PPARG: variants seen among roughly 807,000 people sequenced by gnomAD.
PPARG encodes the protein peroxisome proliferator-activated receptor gamma.
A neutral mutation model predicts 39.2 loss-of-function variants in PPARG; 17 were observed. The observed-to-expected ratio is 0.43, with a 90% CI of 0.30 to 0.65. The LOEUF is 0.65. PPARG is among the 30% of genes least tolerant of loss of function. PPARG has a pLI of 0.13. For synonymous variants in PPARG, 223 were observed against 215.7 expected (o/e 1.03, Z -0.30); for missense variants, 406 against 585.9 (o/e 0.69, Z 3.17).
intron 1 of PPARG, among the ~76,000 whole-genome samples, chr3:12,291,754 C>T (rs1332394978): frequency 1.3e-5 from 2 of 152,074 alleles, no homozygotes; most frequent in African/African-American, 2.4e-5. Flanking sequence ...ACAATAAGTA[C>T]ACATCAATAT....
At chr3:12,310,344 G>A (rs2047192044) in intron 1 of PPARG, among the ~76,000 whole-genome samples, 1 of 151,956 alleles carries the variant, frequency 6.6e-6, no homozygotes, top group Non-Finnish European at 1.5e-5. Flanking sequence ...AAGTATCAAG[G>A]AAAGCTGGTA....
At chr3:12,431,429 A>G (rs2125318462) in intron 7 of PPARG, among the ~76,000 whole-genome samples, 1 of 152,328 alleles carries the variant, frequency 6.6e-6, no homozygotes, top group Non-Finnish European at 1.5e-5. Flanking sequence ...ATACCAAATC[A>G]AATGAATTAA....
chr3:12,351,492 A>G, intron 2 of PPARG: 1 of 908,540 alleles, frequency 1.1e-6, no homozygotes. Context: ...GTATTCACAA[A>G]TTCTGTTACT....
At chr3:12,349,738 G>A (rs2048427347) in intron 2 of PPARG, among the ~76,000 whole-genome samples, 1 of 152,186 alleles carries the variant, frequency 6.6e-6, no homozygotes, top group South Asian at 2.1e-4. Flanking sequence ...TCTGGGGGAA[G>A]ACGGAATGTC....
intron 2 of PPARG, among the ~76,000 whole-genome samples, chr3:12,326,017 A>C (rs2047684257): frequency 6.6e-6 from 1 of 152,204 alleles, no homozygotes; most frequent in Non-Finnish European, 1.5e-5. Flanking sequence ...TTCTGAACAA[A>C]TTTAGTGATG....
chr3:12,417,740 T>C (rs1404321626), intron 7 of PPARG, among the ~76,000 whole-genome samples: 1 of 152,182 alleles, frequency 6.6e-6, no homozygotes, highest in Non-Finnish European at 1.5e-5. Context: ...TGATTAAGAA[T>C]GCAATGTGAA....
At chr3:12,393,502 A>G (rs2125217894) in intron 5 of PPARG, among the ~76,000 whole-genome samples, 1 of 152,256 alleles carries the variant, frequency 6.6e-6, no homozygotes, top group Middle Eastern at 3.4e-3. Context: ...GTTTGAAAAA[A>G]TAATTCTTGG....
intron 2 of PPARG, among the ~76,000 whole-genome samples, chr3:12,324,559 A>G (rs1327271759): frequency 3.3e-5 from 5 of 152,150 alleles, no homozygotes; most frequent in Non-Finnish European, 7.3e-5. Context: ...CAGTTTTCCC[A>G]TATGTTAGAC....
chr3:12,381,555 CCT>C, intron 4 of PPARG, 64 bp downstream of exon 4: 1 of 1,527,030 alleles, frequency 6.5e-7, no homozygotes, highest in Non-Finnish European at 9.0e-7. Context: ...CAGCAGAACC[CCT>C]TTTTTAGGTG....
Position 12,330,302 on chromosome 3 carries a change from TA to T in PPARG, c.-9+17870del, listed in dbSNP as rs67976990. Among the ~76,000 whole-genome samples the T allele has an allele frequency of 5.1e-3, 617 of 121,078 alleles. 1 individual carries two copies. Among genetic ancestry groups the T allele is most frequent in the South Asian group, 9.2e-3 (32 of 3,494 alleles). The allele number at this position is 121,078 out of a possible 152,430, so 79.4% of individuals were successfully genotyped here. ...TCTACATTGCTACAACACCTTTTTTTAAAAAAAAAAAAAAAAAAAAAGCTGT... is the reference window on the plus strand; with the variant it reads ...TCTACATTGCTACAACACCTTTTTTTAAAAAAAAAAAAAAAAAAAAGCTGT... On this transcript the variant is annotated intron_variant, in intron 2 of 7. Coordinates refer to ENST00000651735, the MANE Select transcript of PPARG (RefSeq NM_138711.6).
chr3:12,424,526 C>G (rs561585251), intron 7 of PPARG, among the ~76,000 whole-genome samples: 35 of 152,316 alleles, frequency 2.3e-4, no homozygotes, highest in Admixed American at 9.8e-4. Flanking sequence ...ATTTTGGGCT[C>G]TCACAATGTG....
chr3:12,344,232 T>C (rs2048265849), intron 2 of PPARG, among the ~76,000 whole-genome samples: 1 of 152,212 alleles, frequency 6.6e-6, no homozygotes, highest in Non-Finnish European at 1.5e-5. Context: ...CCTGACAGCG[T>C]AGGCACTCAA....
intron 2 of PPARG, among the ~76,000 whole-genome samples, chr3:12,326,057 G>A (rs1330553675): frequency 6.6e-6 from 1 of 152,114 alleles, no homozygotes; most frequent in Non-Finnish European, 1.5e-5. Context: ...ACCACAAGAA[G>A]TCATCCCAAA....
intron 2 of PPARG, among the ~76,000 whole-genome samples, chr3:12,313,280 A>G (rs534495749): frequency 2.6e-4 from 39 of 152,320 alleles, no homozygotes; most frequent in African/African-American, 8.4e-4. Flanking sequence ...TATGTGGGTT[A>G]TTATACATAT....
intron 4 of PPARG, among the ~76,000 whole-genome samples, chr3:12,384,707 A>G (rs772773393): frequency 3.3e-5 from 5 of 152,170 alleles, no homozygotes; most frequent in Non-Finnish European, 5.9e-5. Flanking sequence ...TATATTCATA[A>G]TAATGATTTT....
intron 2 of PPARG, among the ~76,000 whole-genome samples, chr3:12,319,982 GT>G (rs2047491952): frequency 6.6e-6 from 1 of 152,164 alleles, no homozygotes; most frequent in South Asian, 2.1e-4. Context: ...ATAGAAAGAG[GT>G]TGAGTAACTT....
intron 7 of PPARG, among the ~76,000 whole-genome samples, chr3:12,424,448 C>G (rs1043047755): frequency 2.6e-5 from 4 of 152,128 alleles, no homozygotes; most frequent in African/African-American, 9.7e-5. Context: ...CATTCCTGTC[C>G]CCACACCAGC....
rs752906257 is a variant in PPARG at position 12,392,580 on chromosome 3, A to G, written c.391-34A>G. ...GTTGCTGCTTCCATGTGTCATAAAGACTTAAAATTTGCTTCTTTTTTATCC... is the reference window on the plus strand; with the variant it reads ...GTTGCTGCTTCCATGTGTCATAAAGGCTTAAAATTTGCTTCTTTTTTATCC... On this transcript the variant is annotated intron_variant, in intron 4 of 7. Coordinates refer to ENST00000651735, the MANE Select transcript of PPARG (RefSeq NM_138711.6). 23 of 1,612,490 alleles carry G rather than the reference A, an allele frequency of 1.4e-5. No homozygotes were observed. The South Asian group carries it at 2.3e-4, about 16-fold the overall frequency.
At chr3:12,355,336 A>G (rs1179091007) in intron 2 of PPARG, among the ~76,000 whole-genome samples, 1 of 152,088 alleles carries the variant, frequency 6.6e-6, no homozygotes, top group Non-Finnish European at 1.5e-5. Flanking sequence ...GGATTTCACC[A>G]TGTTGTCCAA....
Sources: gnomAD v4.1 joint callset for allele counts (sites outside exome capture counted in the v4.1 genomes callset) on GRCh38, gnomAD v4.1.1 for gene constraint, MANE v1.5 for transcripts, NCBI Gene and HGNC (gene_info 2026-07-23, HGNC 2026-07-21) for gene names.